Variants in BACH2 observed in about 807,000 individuals in gnomAD.
BACH2 encodes transcription regulator protein BACH2.
BACH2 carries 5 observed loss-of-function variants against 61.8 expected under a neutral mutation model. The observed-to-expected ratio is 0.08, with a 90% CI of 0.04 to 0.17. The LOEUF (loss-of-function observed/expected upper bound fraction) is 0.17. Ranked by LOEUF, BACH2 falls within the 10% of genes least tolerant of loss-of-function variation. The probability of loss-of-function intolerance (pLI) is 1.00; values close to 1 mark genes in which losing one functional copy is unlikely to be tolerated. For missense variants in BACH2, 824 were observed against 1,091.1 expected (o/e 0.76, Z 3.45); for synonymous variants, 446 against 440.1 (o/e 1.01, Z -0.17).
rs1770301908 is a variant in BACH2 at position 90,237,572 on chromosome 6, T to C, written c.-275+14941A>G. 1.3e-5 allele frequency among the ~76,000 whole-genome samples: 2 copies of C among 152,212 alleles called. 1 individual carries two copies. Among genetic ancestry groups the C allele is most frequent in the South Asian group, 4.1e-4 (2 of 4,830 alleles). On this transcript the variant is annotated intron_variant, in intron 3 of 8. Transcript: ENST00000257749. ...GAATATCTGACCACATCTGTTTGTTTTGTGACATGACAGGCCTTGAGACTG... is the reference window on the plus strand; with the variant it reads ...GAATATCTGACCACATCTGTTTGTTCTGTGACATGACAGGCCTTGAGACTG...
intron 7 of BACH2, among the ~76,000 whole-genome samples, chr6:89,947,561 TTTTTC>T (rs1361366375): frequency 3.6e-4 from 55 of 151,890 alleles, no homozygotes; most frequent in African/African-American, 1.3e-3. Context: ...AGAAGATGGA[TTTTTC>T]TTTCTTTTTT....
At chr6:90,055,390 G>A (rs540332919) in intron 5 of BACH2, among the ~76,000 whole-genome samples, 1 of 152,056 alleles carries the variant, frequency 6.6e-6, no homozygotes, top group Non-Finnish European at 1.5e-5. Flanking sequence ...AAGACAAAAT[G>A]AATGAAATGA....
At chr6:90,247,325 T>A (rs1770671327) in intron 3 of BACH2, among the ~76,000 whole-genome samples, 1 of 151,670 alleles carries the variant, frequency 6.6e-6, no homozygotes, top group East Asian at 1.9e-4. Context: ...AATCTCTAAC[T>A]CCTGGGCTCA....
chr6:90,038,944 G>T (rs1012991113), intron 5 of BACH2, among the ~76,000 whole-genome samples: 47 of 151,624 alleles, frequency 3.1e-4, no homozygotes, highest in African/African-American at 1.0e-3. Context: ...GGAGGCTGAG[G>T]CAAGAGAATC....
chr6:89,970,205 A>AC (rs1358627828), intron 6 of BACH2, among the ~76,000 whole-genome samples: 1 of 152,234 alleles, frequency 6.6e-6, no homozygotes, highest in African/African-American at 2.4e-5. Flanking sequence ...AGTACAGGCC[A>AC]CCCTCGTGAG....
At chr6:90,290,220 A>G (rs1469374159) in intron 1 of BACH2, among the ~76,000 whole-genome samples, 1 of 152,230 alleles carries the variant, frequency 6.6e-6, no homozygotes, top group African/African-American at 2.4e-5. Flanking sequence ...TCACTCCACA[A>G]TTCCTCAGGG....
intron 3 of BACH2, among the ~76,000 whole-genome samples, chr6:90,210,851 C>G (rs1769321037): frequency 6.6e-6 from 1 of 152,110 alleles, no homozygotes; most frequent in African/African-American, 2.4e-5. Flanking sequence ...CATAATTTGT[C>G]TTTCCAGGTG....
intron 6 of BACH2, among the ~76,000 whole-genome samples, chr6:89,955,008 T>C (rs1043663387): frequency 6.6e-6 from 1 of 152,256 alleles, no homozygotes; most frequent in Non-Finnish European, 1.5e-5. Flanking sequence ...TTTGCTCAGC[T>C]TCTGTGTGTG....
intron 5 of BACH2, among the ~76,000 whole-genome samples, chr6:90,015,230 C>T (rs1356389921): frequency 1.3e-5 from 2 of 152,114 alleles, no homozygotes; most frequent in Non-Finnish European, 2.9e-5. Context: ...TCTCAAATAA[C>T]TAGTTTTTGG....
chr6:90,127,479 A>G (rs1783905504), intron 4 of BACH2, among the ~76,000 whole-genome samples: 1 of 152,194 alleles, frequency 6.6e-6, no homozygotes, highest in Non-Finnish European at 1.5e-5. Context: ...CTTGGCAGAA[A>G]AGGAGACGCC....
At chr6:90,139,689 C>CA (rs1784399294) in intron 4 of BACH2, among the ~76,000 whole-genome samples, 1 of 152,278 alleles carries the variant, frequency 6.6e-6, no homozygotes, top group South Asian at 2.1e-4. Context: ...GATTGTGTAA[C>CA]AGTGTTCGGA....
chr6:90,245,668 C>T (rs1403777337), intron 3 of BACH2, among the ~76,000 whole-genome samples: 1 of 152,230 alleles, frequency 6.6e-6, no homozygotes, highest in African/African-American at 2.4e-5. Context: ...TGTTCATTTA[C>T]ATCATTCAGT....
chr6:90,207,546 G>T (rs999672327), intron 3 of BACH2, among the ~76,000 whole-genome samples: 4 of 152,100 alleles, frequency 2.6e-5, no homozygotes, highest in African/African-American at 9.7e-5. Context: ...AATATTGTAA[G>T]GTTCCTGATA....
intron 1 of BACH2, among the ~76,000 whole-genome samples, chr6:90,283,374 C>CTT: frequency 1.4e-5 from 2 of 145,034 alleles, no homozygotes; most frequent in African/African-American, 5.0e-5. Context: ...ACCCCTCATG[C>CTT]TTTTTTTTTT....
chr6:90,295,995 A>G (rs1233143596), intron 1 of BACH2, among the ~76,000 whole-genome samples: 1 of 152,024 alleles, frequency 6.6e-6, no homozygotes, highest in Middle Eastern at 3.4e-3. Flanking sequence ...AGGGTTAAGG[A>G]GGAGGCCGCC....
intron 3 of BACH2, among the ~76,000 whole-genome samples, chr6:90,229,705 T>C (rs1161566102): frequency 6.6e-6 from 1 of 152,204 alleles, no homozygotes; most frequent in East Asian, 1.9e-4. Flanking sequence ...AACAAGAAGT[T>C]TGTGCTCTGA....
chr6:90,225,200 C>T (rs1769871750), intron 3 of BACH2, among the ~76,000 whole-genome samples: 1 of 152,046 alleles, frequency 6.6e-6, no homozygotes, highest in African/African-American at 2.4e-5. Context: ...GCTTGGGCAA[C>T]ATGGCAAAAC....
In BACH2 at chr6:90,197,150, C is replaced by T. The variant is rs528395495; in HGVS notation, c.-162+9419G>A. ...TGAAAATATAGAAAATACTGCTAGGCTTATTTTACGAAGACAAAGGACAAT... is the reference window on the plus strand; with the variant it reads ...TGAAAATATAGAAAATACTGCTAGGTTTATTTTACGAAGACAAAGGACAAT... On this transcript the variant is annotated intron_variant, in intron 4 of 8. Coordinates refer to ENST00000257749, the MANE Select transcript of BACH2 (RefSeq NM_021813.4). Among the ~76,000 whole-genome samples the T allele has an allele frequency of 3.3e-5, 5 of 152,176 alleles. No homozygotes were observed. In the East Asian group the frequency reaches 5.8e-4, roughly 18 times the overall value.
chr6:90,007,071 A>AATT (rs959900856), intron 6 of BACH2, among the ~76,000 whole-genome samples: 1 of 150,792 alleles, frequency 6.6e-6, no homozygotes, highest in African/African-American at 2.4e-5. Flanking sequence ...TTAAAATTTT[A>AATT]ATTATTATTA....
Sources: allele counts gnomAD v4.1 joint callset (sites outside exome capture counted in the v4.1 genomes callset), GRCh38; gene constraint gnomAD v4.1.1; transcripts MANE v1.5; gene names NCBI Gene and HGNC (gene_info 2026-07-23, HGNC 2026-07-21).